Variants in SCN1A observed in about 807,000 individuals in gnomAD.
SCN1A encodes sodium voltage-gated channel alpha subunit 1.
A neutral mutation model predicts 193.7 loss-of-function variants in SCN1A; 13 were observed. That is an observed-to-expected ratio of 0.07 (90% CI 0.04 to 0.11). The LOEUF (loss-of-function observed/expected upper bound fraction) is 0.11. Among genes scored for constraint, SCN1A ranks in the 10% least tolerant of loss-of-function variants. The pLI is 1.00. For missense variants in SCN1A, 1,432 were observed against 2,451.1 expected (o/e 0.58, Z 8.78); for synonymous variants, 781 against 843.6 (o/e 0.93, Z 1.29).
intron 19 of SCN1A, among the ~76,000 whole-genome samples, chr2:166,035,536 G>A (rs953561261): frequency 1.3e-5 from 2 of 152,030 alleles, no homozygotes; most frequent in Admixed American, 6.5e-5. Flanking sequence ...TTTACAATGA[G>A]GTTAGTTCCT....
rs202142409 is a variant in SCN1A at position 166,015,596 on chromosome 2, C to A, written c.3550+11G>T. On this transcript the variant is annotated intron_variant, in intron 20 of 28. Transcript: ENST00000674923. Reference sequence around the variant, plus strand: ...CAAATGAAAGATTAACATTAGGATTCTTTTCTTTACCTTCAGTGAAACAAG... The same window carrying A: ...CAAATGAAAGATTAACATTAGGATTATTTTCTTTACCTTCAGTGAAACAAG... 3.1e-4 allele frequency: 494 copies of A among 1,612,260 alleles called. 1 individual carries two copies. The African/African-American group carries it at 5.9e-3, about 19-fold the overall frequency.
intron 2 of SCN1A, chr2:166,081,636 T>C (rs1397478990): frequency 3.3e-5 from 5 of 151,898 alleles, no homozygotes; most frequent in Admixed American, 3.3e-4. Flanking sequence ...AACTTCACAC[T>C]CTGATGCCAT....
chr2:165,994,903 A>G (rs1325256258), intron 27 of SCN1A, among the ~76,000 whole-genome samples: 2 of 151,956 alleles, frequency 1.3e-5, no homozygotes, highest in East Asian at 1.9e-4. Context: ...CACATCTATA[A>G]CATTATGCAT....
chr2:166,070,653 C>A (rs998214330), intron 4 of SCN1A, among the ~76,000 whole-genome samples: 39 of 152,274 alleles, frequency 2.6e-4, no homozygotes, highest in Non-Finnish European at 8.8e-5. Context: ...TGTTTTACAT[C>A]TGTCTTTATA....
chr2:166,035,369 G>A (rs1009837641), intron 19 of SCN1A, among the ~76,000 whole-genome samples: 5 of 152,096 alleles, frequency 3.3e-5, no homozygotes, highest in East Asian at 1.9e-4. Flanking sequence ...AAACTCACAC[G>A]TATACTATAT....
At chr2:166,089,922 G>A (rs1430712265) in intron 2 of SCN1A, among the ~76,000 whole-genome samples, 4 of 150,962 alleles carry the variant, frequency 2.6e-5, no homozygotes, top group Non-Finnish European at 5.9e-5. Context: ...TATGAGTAGT[G>A]CATCTTTGCA....
At chr2:166,045,476 A>G (rs959696077) in intron 12 of SCN1A, 149 bp from the exon 13 acceptor site, 9 of 877,856 alleles carry the variant, frequency 1.0e-5, no homozygotes, top group Non-Finnish European at 1.5e-5. Flanking sequence ...GTATAAGAGG[A>G]GATTTTTTTT....
At chr2:166,115,333 G>C (rs1689736919) in intron 2 of SCN1A, among the ~76,000 whole-genome samples, 1 of 152,108 alleles carries the variant, frequency 6.6e-6, no homozygotes, top group African/African-American at 2.4e-5. Flanking sequence ...CACTCCAGCA[G>C]CCTGGGAAAC....
intron 15 of SCN1A, among the ~76,000 whole-genome samples, chr2:166,041,802 A>T (rs946722861): frequency 6.6e-6 from 1 of 150,918 alleles, no homozygotes; most frequent in Non-Finnish European, 1.5e-5. Context: ...TGTGTGTGCA[A>T]CCCTATGTGA....
At chr2:166,000,872 A>C (rs562941293) in intron 24 of SCN1A, among the ~76,000 whole-genome samples, 2 of 151,392 alleles carry the variant, frequency 1.3e-5, no homozygotes, top group South Asian at 4.2e-4. Context: ...ATAAAAGCCA[A>C]ATGTGAAGCA....
At chr2:165,994,440 T>G in intron 27 of SCN1A, 24 bp from the exon 28 acceptor site, 2 of 1,611,150 alleles carry the variant, frequency 1.2e-6, no homozygotes, top group South Asian at 2.2e-5. Context: ...GAAATGCTTT[T>G]AACAACAAAG....
intron 20 of SCN1A, 83 bp from the exon 21 acceptor site, chr2:166,013,981 T>C: frequency 3.4e-6 from 5 of 1,487,444 alleles, no homozygotes; most frequent in Non-Finnish European, 4.6e-6. Context: ...CTTGTCTTTT[T>C]ATTACTATGC....
intron 19 of SCN1A, among the ~76,000 whole-genome samples, chr2:166,023,471 A>G (rs1159643765): frequency 6.6e-6 from 1 of 152,236 alleles, no homozygotes; most frequent in Non-Finnish European, 1.5e-5. Context: ...AATATGTAAA[A>G]TGAAGAGATG....
At chr2:166,089,170 A>G (rs1232296316) in intron 2 of SCN1A, among the ~76,000 whole-genome samples, 1 of 150,028 alleles carries the variant, frequency 6.7e-6, no homozygotes, top group African/African-American at 2.5e-5. Context: ...CTAGGCCCCC[A>G]CCCCTCGATA....
intron 9 of SCN1A, among the ~76,000 whole-genome samples, chr2:166,049,858 G>C (rs918763127): frequency 5.9e-5 from 9 of 151,838 alleles, no homozygotes; most frequent in Non-Finnish European, 1.3e-4. Flanking sequence ...GTTTGAGACC[G>C]GGTAGCCTTT....
chr2:166,007,229 C>T (rs1691786634), intron 23 of SCN1A: 1 of 150,984 alleles, frequency 6.6e-6, no homozygotes, highest in African/African-American at 2.4e-5. Context: ...TAATACAGTA[C>T]CCATAATAAA....
At chr2:166,033,882 C>A (rs557977495) in intron 19 of SCN1A, among the ~76,000 whole-genome samples, 21 of 152,170 alleles carry the variant, frequency 1.4e-4, no homozygotes, top group Middle Eastern at 3.4e-3. Context: ...TAGTCCTCAT[C>A]AAATGCTAAA....
chr2:166,048,451 G>A (rs1037633372), intron 10 of SCN1A, among the ~76,000 whole-genome samples: 15 of 152,086 alleles, frequency 9.9e-5, no homozygotes, highest in Non-Finnish European at 4.4e-5. Context: ...AGGACATGCG[G>A]TACTTAGTTT....
At chr2:166,053,184 C>A in intron 7 of SCN1A, 2 of 786,400 alleles carry the variant, frequency 2.5e-6, no homozygotes, top group East Asian at 2.5e-5. Context: ...ATATTACTTG[C>A]ATGGGTCTTT....
Sources: allele counts gnomAD v4.1 joint callset (sites outside exome capture counted in the v4.1 genomes callset), GRCh38; gene constraint gnomAD v4.1.1; transcripts MANE v1.5; gene names NCBI Gene and HGNC (gene_info 2026-07-23, HGNC 2026-07-21).